GRIN2B: variants seen among roughly 807,000 people sequenced by gnomAD.
GRIN2B encodes the protein glutamate receptor ionotropic, NMDA 2B.
A neutral mutation model predicts 114.5 loss-of-function variants in GRIN2B; 5 were observed. The ratio of observed to expected loss-of-function variants is 0.04; its 90% CI spans 0.02 to 0.09. The LOEUF (loss-of-function observed/expected upper bound fraction) is 0.09. Ranked by LOEUF, GRIN2B falls within the 10% of genes least tolerant of loss-of-function variation. The probability of loss-of-function intolerance (pLI) is 1.00; values close to 1 mark genes in which losing one functional copy is unlikely to be tolerated. For synonymous variants in GRIN2B, 787 were observed against 745.1 expected (o/e 1.06, Z -0.92); for missense variants, 1,108 against 1,943.5 (o/e 0.57, Z 8.08).
intron 2 of GRIN2B, among the ~76,000 whole-genome samples, chr12:13,977,774 C>G (rs1863053277): frequency 6.6e-6 from 1 of 152,200 alleles, no homozygotes; most frequent in Non-Finnish European, 1.5e-5. Context: ...GCTTCCTCAT[C>G]AGGGTCTCCA....
chr12:13,635,106 G>A (rs1363879432), intron 5 of GRIN2B, among the ~76,000 whole-genome samples: 1 of 152,196 alleles, frequency 6.6e-6, no homozygotes, highest in Non-Finnish European at 1.5e-5. Flanking sequence ...TCATTCAGGT[G>A]CCTGGGCCAA....
At chr12:13,776,898 C>G (rs1864014520) in intron 3 of GRIN2B, among the ~76,000 whole-genome samples, 2 of 152,108 alleles carry the variant, frequency 1.3e-5, no homozygotes, top group African/African-American at 4.8e-5. Context: ...TCATTTCCTA[C>G]CTCTGTACTT....
chr12:13,971,969 C>T (rs1242442156), intron 2 of GRIN2B, among the ~76,000 whole-genome samples: 2 of 152,132 alleles, frequency 1.3e-5, no homozygotes, highest in Non-Finnish European at 2.9e-5. Context: ...CCCAGGGACC[C>T]TCCACTAATC....
intron 3 of GRIN2B, among the ~76,000 whole-genome samples, chr12:13,807,588 A>G (rs1173289175): frequency 6.6e-6 from 1 of 152,012 alleles, no homozygotes; most frequent in Non-Finnish European, 1.5e-5. Flanking sequence ...AACTGTCCAA[A>G]TTAAGCTGCT....
intron 5 of GRIN2B, among the ~76,000 whole-genome samples, chr12:13,641,835 G>T (rs925439819): frequency 6.6e-6 from 1 of 152,018 alleles, no homozygotes; most frequent in Non-Finnish European, 1.5e-5. Context: ...AACATTTTTG[G>T]CAATTCAAGG....
intron 5 of GRIN2B, among the ~76,000 whole-genome samples, chr12:13,662,845 A>T (rs1216963284): frequency 2.0e-5 from 3 of 152,198 alleles, no homozygotes; most frequent in Non-Finnish European, 4.4e-5. Flanking sequence ...TTATGAAAGG[A>T]TAAAGATTCA....
At chr12:13,757,367 T>TTTTTATCTCCTAA (rs1178392946) in intron 3 of GRIN2B, among the ~76,000 whole-genome samples, 1 of 152,208 alleles carries the variant, frequency 6.6e-6, no homozygotes, top group African/African-American at 2.4e-5. Flanking sequence ...GTGACAGGCT[T>TTTTTATCTCCTAA]TGCAAATTAT....
intron 3 of GRIN2B, among the ~76,000 whole-genome samples, chr12:13,817,428 G>T (rs913828492): frequency 7.2e-5 from 11 of 152,078 alleles, no homozygotes; most frequent in African/African-American, 2.4e-4. Flanking sequence ...CCAGCAGCAC[G>T]GTCCACACAC....
In GRIN2B at chr12:13,711,214, T is replaced by C. The variant is rs542792187; in HGVS notation, c.1011-35355A>G. Among the ~76,000 whole-genome samples, 86 of 151,518 alleles carry C rather than the reference T, an allele frequency of 5.7e-4. 1 individual carries two copies. The highest frequency in any genetic ancestry group is 4.4e-3 in the Admixed American group (67 of 15,262). On this transcript the variant is annotated intron_variant, in intron 4 of 13. Coordinates refer to ENST00000609686, the MANE Select transcript of GRIN2B (RefSeq NM_000834.5). ...AACTGGATCCCTTCCTTATACCTTATACAAAAATTAATTCAAGATGGATTA... is the reference window on the plus strand; with the variant it reads ...AACTGGATCCCTTCCTTATACCTTACACAAAAATTAATTCAAGATGGATTA...
At chr12:13,958,986 A>G (rs142218781) in intron 2 of GRIN2B, among the ~76,000 whole-genome samples, 86 of 152,312 alleles carry the variant, frequency 5.6e-4, no homozygotes, top group African/African-American at 1.9e-3. Context: ...GGAGGGGGAA[A>G]GAAACATACA....
At chr12:13,893,606 G>A (rs1014414358) in intron 2 of GRIN2B, among the ~76,000 whole-genome samples, 32 of 152,196 alleles carry the variant, frequency 2.1e-4, no homozygotes, top group African/African-American at 6.7e-4. Context: ...GGAAATCTGT[G>A]AAAAGATAGA....
intron 10 of GRIN2B, among the ~76,000 whole-genome samples, chr12:13,606,362 G>A (rs1400665764): frequency 6.6e-6 from 1 of 152,168 alleles, no homozygotes; most frequent in Non-Finnish European, 1.5e-5. Context: ...TGGCAAGAGA[G>A]GAAGCAAGAG....
intron 5 of GRIN2B, among the ~76,000 whole-genome samples, chr12:13,662,503 A>G (rs898743721): frequency 6.6e-6 from 1 of 152,190 alleles, no homozygotes; most frequent in African/African-American, 2.4e-5. Flanking sequence ...ACCCTGTCTT[A>G]CCACCTTAAG....
At chr12:13,923,369 A>G (rs1866855145) in intron 2 of GRIN2B, among the ~76,000 whole-genome samples, 1 of 152,220 alleles carries the variant, frequency 6.6e-6, no homozygotes, top group African/African-American at 2.4e-5. Context: ...ATAACGGAAC[A>G]AATCACCTAA....
At chr12:13,897,317 G>A (rs575840823) in intron 2 of GRIN2B, among the ~76,000 whole-genome samples, 1 of 152,078 alleles carries the variant, frequency 6.6e-6, no homozygotes, top group African/African-American at 2.4e-5. Context: ...TACTCCATTA[G>A]CACACTCTAA....
At chr12:13,954,284 C>T (rs556096400) in intron 2 of GRIN2B, among the ~76,000 whole-genome samples, 1 of 152,300 alleles carries the variant, frequency 6.6e-6, no homozygotes, top group South Asian at 2.1e-4. Context: ...CTACATGATT[C>T]AACAAAGGGT....
Position 13,564,473 on chromosome 12 carries a change from A to G in GRIN2B, c.2765T>C (p.Leu922Pro). 6.2e-7 allele frequency: 1 copy of G among 1,614,250 alleles called. No homozygotes were observed. The highest frequency in any genetic ancestry group is 8.5e-7 in the Non-Finnish European group (1 of 1,180,042). The change falls in exon 14 of 14, where the codon CTG becomes CCG. Residue 922 changes from leucine to proline, a missense_variant. By Grantham distance (98) the Leu-to-Pro change is moderately conservative. Coordinates refer to ENST00000609686, the MANE Select transcript of GRIN2B (RefSeq NM_000834.5). The surrounding 1 kb of genome is among the most constrained non-coding windows in gnomAD (Gnocchi z 4.8). Reference sequence around the variant, plus strand: ...GGATGACTCCCGTCGGATGAAGTCCAGGGCGCTCTGCGGTGAGCCATTCAC... The same window carrying G: ...GGATGACTCCCGTCGGATGAAGTCCGGGGCGCTCTGCGGTGAGCCATTCAC... ...SGVNGSPQSALDFIRRESSVY... is the reference protein window; with the variant it reads ...SGVNGSPQSAPDFIRRESSVY...
At chr12:13,633,927 G>T (rs772585115) in intron 5 of GRIN2B, among the ~76,000 whole-genome samples, 6 of 150,960 alleles carry the variant, frequency 4.0e-5, no homozygotes, top group Non-Finnish European at 8.8e-5. Context: ...GGAGGAATGT[G>T]CCGGAATGAT....
At chr12:13,576,535 T>TTTTC (rs1468285638) in intron 10 of GRIN2B, among the ~76,000 whole-genome samples, 1 of 127,950 alleles carries the variant, frequency 7.8e-6, no homozygotes, top group Admixed American at 7.8e-5. Context: ...GTACTCTTTA[T>TTTTC]TTTCTTTTTT....
Sources: allele counts gnomAD v4.1 joint callset (sites outside exome capture counted in the v4.1 genomes callset), GRCh38; gene constraint gnomAD v4.1.1; non-coding constraint Gnocchi (gnomAD v3.1); transcripts MANE v1.5; gene names NCBI Gene and HGNC (gene_info 2026-07-23, HGNC 2026-07-21).